Variants in ADAMTS16 observed in about 807,000 individuals in gnomAD.
ADAMTS16 encodes ADAM metallopeptidase with thrombospondin type 1 motif 16.
In ADAMTS16, 94 loss-of-function variants were observed where a neutral mutation model predicts 145.8. The ratio of observed to expected loss-of-function variants is 0.64; its 90% confidence interval spans 0.55 to 0.77. The LOEUF is 0.77. ADAMTS16 is among the 30% of genes least tolerant of loss of function. ADAMTS16 has a pLI of 0.00. For missense variants in ADAMTS16, 1,585 were observed against 1,591.5 expected (o/e 1.00, Z 0.07); for synonymous variants, 659 against 604.3 (o/e 1.09, Z -1.33).
chr5:5,296,156 G>A (rs576103245), intron 18 of ADAMTS16, among the ~76,000 whole-genome samples: 1 of 152,274 alleles, frequency 6.6e-6, no homozygotes, highest in Admixed American at 6.5e-5. Context: ...GTTCTGGGTG[G>A]GTCCCTCTTT....
intron 20 of ADAMTS16, among the ~76,000 whole-genome samples, chr5:5,305,270 C>T (rs1437431203): frequency 1.8e-5 from 2 of 113,708 alleles, no homozygotes; most frequent in South Asian, 3.2e-4. Flanking sequence ...CACAATCCCA[C>T]ACCACACACA....
intron 18 of ADAMTS16, among the ~76,000 whole-genome samples, chr5:5,281,361 C>T (rs34594183): frequency 0.52 from 79,509 of 152,034 alleles, 22,568 homozygotes; most frequent in East Asian, 0.79. Context: ...CACTTCGTTC[C>T]TTATATCAAA....
Position 5,291,939 on chromosome 5 carries a change from G to T in ADAMTS16, c.2790-11329G>T, listed in dbSNP as rs114284539. Reference sequence around the variant, plus strand: ...TGAATTGAGGAGGGTGACGTTCATTGTCAACTGGTCAACAAATGTTTAGTA... The same window carrying T: ...TGAATTGAGGAGGGTGACGTTCATTTTCAACTGGTCAACAAATGTTTAGTA... On this transcript the variant is annotated intron_variant, in intron 18 of 22. Transcript: ENST00000274181. 7.3e-3 allele frequency among the ~76,000 whole-genome samples: 1,114 copies of T among 152,320 alleles called. 18 individuals are homozygous for T. Among genetic ancestry groups the T allele is most frequent in the African/African-American group, 0.025 (1,039 of 41,578 alleles).
intron 21 of ADAMTS16, among the ~76,000 whole-genome samples, chr5:5,308,883 G>A (rs956528779): frequency 6.0e-5 from 9 of 150,550 alleles, no homozygotes; most frequent in Non-Finnish European, 1.2e-4. Flanking sequence ...CCAGGAGGCA[G>A]AGGTTGCAGT....
intron 18 of ADAMTS16, among the ~76,000 whole-genome samples, chr5:5,280,695 A>T (rs1738868837): frequency 1.3e-5 from 2 of 152,236 alleles, no homozygotes; most frequent in Admixed American, 1.3e-4. Flanking sequence ...ATTGTTGCTT[A>T]AAGCGCCACC....
Position 5,222,852 on chromosome 5 carries a change from G to C in ADAMTS16, c.1669G>C (p.Ala557Pro). 6.2e-7 allele frequency: 1 copy of C among 1,614,164 alleles called. No homozygotes were observed. Among genetic ancestry groups the C allele is most frequent in the Non-Finnish European group, 8.5e-7 (1 of 1,179,998 alleles). Residue 557 changes from alanine to proline, a missense_variant, in exon 11 of 23, where the codon GCA (alanine) becomes CCA (proline). This residue lies in a region of ADAMTS16 where 298 missense variants were observed against 367.6 expected (regional missense o/e 0.81). Transcript: ENST00000274181. ...GRKCETKFMP[A>P]AEGTICGHDM... ...GAAATGTGAGACTAAATTTATGCCA[G>C]CAGCAGAAGGCACAATTTGTGGGCA...
intron 11 of ADAMTS16, among the ~76,000 whole-genome samples, chr5:5,228,952 C>T (rs1166001097): frequency 6.6e-6 from 1 of 152,214 alleles, no homozygotes; most frequent in African/African-American, 2.4e-5. Flanking sequence ...TGTCAGCATT[C>T]CACAAGTTAC....
chr5:5,216,903 A>C (rs1418807621), intron 10 of ADAMTS16, among the ~76,000 whole-genome samples: 1 of 151,402 alleles, frequency 6.6e-6, no homozygotes, highest in Non-Finnish European at 1.5e-5. Flanking sequence ...GACGATTTCC[A>C]ATTTCATCCA....
chr5:5,211,593 G>T (rs1402735610), intron 10 of ADAMTS16, among the ~76,000 whole-genome samples: 1 of 151,984 alleles, frequency 6.6e-6, no homozygotes, highest in African/African-American at 2.4e-5. Flanking sequence ...TCCAAGGCTA[G>T]TATGCCTGTC....
intron 9 of ADAMTS16, among the ~76,000 whole-genome samples, chr5:5,201,642 T>C (rs1464980037): frequency 6.6e-6 from 1 of 151,936 alleles, no homozygotes; most frequent in South Asian, 2.1e-4. Flanking sequence ...CATGCACCAA[T>C]GAAATAATCT....
chr5:5,226,172 A>C (rs920360992), intron 11 of ADAMTS16, among the ~76,000 whole-genome samples: 1 of 152,140 alleles, frequency 6.6e-6, no homozygotes, highest in Non-Finnish European at 1.5e-5. Context: ...TTTTCCTTTC[A>C]TACGTTGTAT....
chr5:5,186,290 G>C (rs1190555741), intron 5 of ADAMTS16, 39 bp downstream of exon 5: 1 of 1,553,052 alleles, frequency 6.4e-7, no homozygotes, highest in Admixed American at 1.7e-5. Context: ...CTGTGTCATT[G>C]CACTTCGTAG....
intron 11 of ADAMTS16, chr5:5,223,685 A>G: frequency 6.6e-6 from 1 of 152,196 alleles, no homozygotes; most frequent in Non-Finnish European, 1.5e-5. Context: ...TTATTACTAA[A>G]TGGTAAAGAA....
intron 20 of ADAMTS16, 23 bp from the exon 21 acceptor site, chr5:5,306,481 T>C (rs780156223): frequency 2.5e-6 from 4 of 1,583,288 alleles, no homozygotes; most frequent in Non-Finnish European, 2.6e-6. Context: ...TTTCACTGAC[T>C]TCTTTTGTTC....
chr5:5,209,576 T>TA (rs942932147), intron 10 of ADAMTS16, among the ~76,000 whole-genome samples: 1 of 152,114 alleles, frequency 6.6e-6, no homozygotes, highest in Non-Finnish European at 1.5e-5. Flanking sequence ...TAAATGATTT[T>TA]AAAAAAACGA....
At chr5:5,245,289 A>G (rs185725123) in intron 17 of ADAMTS16, among the ~76,000 whole-genome samples, 1 of 152,244 alleles carries the variant, frequency 6.6e-6, no homozygotes, top group Non-Finnish European at 1.5e-5. Flanking sequence ...TGCTTGGATG[A>G]TTGATATTGG....
chr5:5,257,186 G>A (rs1326808109), intron 17 of ADAMTS16, among the ~76,000 whole-genome samples: 1 of 152,098 alleles, frequency 6.6e-6, no homozygotes, highest in Non-Finnish European at 1.5e-5. Context: ...TTGTGCCCCA[G>A]TTTGCCCTTA....
At chr5:5,311,086 G>A (rs1189419755) in intron 21 of ADAMTS16, among the ~76,000 whole-genome samples, 4 of 151,856 alleles carry the variant, frequency 2.6e-5, no homozygotes, top group Non-Finnish European at 4.4e-5. Context: ...CCTGTGCCTC[G>A]CAGCCCCTGT....
At chr5:5,256,646 T>C (rs1253261180) in intron 17 of ADAMTS16, among the ~76,000 whole-genome samples, 1 of 152,244 alleles carries the variant, frequency 6.6e-6, no homozygotes, top group East Asian at 1.9e-4. Context: ...AGCCAACTTC[T>C]GTTTCTATTT....
Sources: allele counts gnomAD v4.1 joint callset (sites outside exome capture counted in the v4.1 genomes callset), GRCh38; gene constraint gnomAD v4.1.1; regional missense constraint gnomAD v4.1.1; transcripts MANE v1.5; gene names NCBI Gene and HGNC (gene_info 2026-07-23, HGNC 2026-07-21).